BMPR2: variants seen among roughly 807,000 people sequenced by gnomAD.
The protein encoded by BMPR2 is bone morphogenetic protein receptor type 2.
Under a neutral mutation model 100.8 loss-of-function variants are expected in BMPR2, and 29 were observed. The observed-to-expected ratio is 0.29, with a 90% CI of 0.21 to 0.39. BMPR2 has a LOEUF of 0.39. Among genes scored for constraint, BMPR2 ranks in the 10% least tolerant of loss-of-function variants. The pLI, the probability that BMPR2 is intolerant of heterozygous loss-of-function variation, is 1.00. For missense variants in BMPR2, 1,011 were observed against 1,274.5 expected, an observed-to-expected ratio of 0.79 and a Z score of 3.15; for synonymous variants, 382 against 442.3, an observed-to-expected ratio of 0.86 and a Z score of 1.71.
At chr2:202,519,613 A>G (rs1687785255) in intron 6 of BMPR2, among the ~76,000 whole-genome samples, 1 of 152,094 alleles carries the variant, frequency 6.6e-6, no homozygotes, top group African/African-American at 2.4e-5. Flanking sequence ...AAGAAGCAGT[A>G]CTTTGATTGA....
rs919512420 is a variant in BMPR2, at chr2:202,394,488, A to T, written c.76+16938A>T. ...AAATAGCTACTGTTTAACAAAAGTA[A>T]CTTCTCCCTTTATGAGTGCCTGCTA... On this transcript the variant is annotated intron_variant, in intron 1 of 12. Coordinates refer to ENST00000374580, the MANE Select transcript of BMPR2 (RefSeq NM_001204.7). Among the ~76,000 whole-genome samples the T allele has an allele frequency of 8.5e-5, 13 of 152,274 alleles. No homozygotes were observed. In the East Asian group the frequency reaches 2.5e-3, roughly 29 times the overall value.
intron 9 of BMPR2, among the ~76,000 whole-genome samples, chr2:202,539,352 C>G (rs1688228331): frequency 6.6e-6 from 1 of 151,960 alleles, no homozygotes; most frequent in Non-Finnish European, 1.5e-5. Context: ...ACACAGAAAT[C>G]ATGTTACAGA....
intron 1 of BMPR2, among the ~76,000 whole-genome samples, chr2:202,435,051 C>CA (rs1553500489): frequency 1.4e-5 from 2 of 145,016 alleles, no homozygotes; most frequent in Non-Finnish European, 3.0e-5. Context: ...CCCTTCTCTT[C>CA]AAAAAAATTC....
At chr2:202,542,204 T>G in intron 9 of BMPR2, 107 bp from the exon 10 acceptor site, 2 of 1,318,744 alleles carry the variant, frequency 1.5e-6, no homozygotes, top group Admixed American at 1.9e-5. Context: ...ATAAAAAGAT[T>G]GTGACACAAT....
rs1321483922 is a variant in BMPR2, at chr2:202,535,371, G to A, written c.1276+2639G>A. ...GAGGGTCTCCTCACTTCTCAGACGG[G>A]GCGGCCGGGCAGAGACGCTCCTCAC... On this transcript the variant is annotated intron_variant, in intron 9 of 12. Transcript: ENST00000374580. Among the ~76,000 whole-genome samples, 24 of 151,548 alleles carry A rather than the reference G, an allele frequency of 1.6e-4. No homozygotes were observed. In the South Asian group the frequency reaches 3.7e-3, roughly 24 times the overall value.
At chr2:202,454,654 G>A (rs1183382053) in intron 1 of BMPR2, among the ~76,000 whole-genome samples, 1 of 152,124 alleles carries the variant, frequency 6.6e-6, no homozygotes, top group Admixed American at 6.5e-5. Flanking sequence ...GGGATTATCA[G>A]AACAATTTAC....
chr2:202,432,441 T>G (rs1691524598), intron 1 of BMPR2, among the ~76,000 whole-genome samples: 1 of 150,552 alleles, frequency 6.6e-6, no homozygotes, highest in Non-Finnish European at 1.5e-5. Context: ...ATTTTTTGGT[T>G]GTAACATCTA....
At chr2:202,535,749 G>T (rs1169884438) in intron 9 of BMPR2, among the ~76,000 whole-genome samples, 1 of 152,164 alleles carries the variant, frequency 6.6e-6, no homozygotes, top group African/African-American at 2.4e-5. Context: ...GGAGGTGGAG[G>T]TTGTAGCGAG....
chr2:202,457,986 G>A (rs1051970016), intron 1 of BMPR2, among the ~76,000 whole-genome samples: 24 of 151,856 alleles, frequency 1.6e-4, no homozygotes, highest in Non-Finnish European at 2.5e-4. Context: ...CCACTTTGGC[G>A]TCCCAAAGTG....
intron 10 of BMPR2, among the ~76,000 whole-genome samples, chr2:202,550,592 T>C (rs941975616): frequency 1.3e-5 from 2 of 151,714 alleles, no homozygotes; most frequent in African/African-American, 4.8e-5. Flanking sequence ...TGATGGGTCT[T>C]GCCTGTAATC....
At chr2:202,533,854 ATGTT>A (rs1688074035) in intron 9 of BMPR2, among the ~76,000 whole-genome samples, 1 of 152,136 alleles carries the variant, frequency 6.6e-6, no homozygotes, top group Non-Finnish European at 1.5e-5. Context: ...ATTTAAGTGA[ATGTT>A]TGTTTGAGGC....
intron 3 of BMPR2, among the ~76,000 whole-genome samples, chr2:202,502,613 G>T (rs1263523466): frequency 7.2e-5 from 11 of 152,206 alleles, no homozygotes; most frequent in African/African-American, 2.4e-4. Context: ...CAGTTTGCAA[G>T]AAATAACAAA....
intron 3 of BMPR2, among the ~76,000 whole-genome samples, chr2:202,480,061 T>C (rs1224448491): frequency 6.6e-6 from 1 of 152,130 alleles, no homozygotes; most frequent in Non-Finnish European, 1.5e-5. Flanking sequence ...TTGAGGTACA[T>C]AGTTTTGACA....
rs974072413 is a variant in BMPR2 at position 202,563,590 on chromosome 2, C to G, written c.*3644C>G. 2 of 152,140 alleles carry G rather than the reference C, an allele frequency of 1.3e-5. No homozygotes were observed. Among genetic ancestry groups the G allele is most frequent in the Non-Finnish European group, 2.9e-5 (2 of 68,026 alleles). The allele number at this position is 152,140 out of a possible 1,614,324, so 9.4% of individuals were successfully genotyped here. On this transcript the variant is annotated 3_prime_UTR_variant, in exon 13 of 13. Transcript: ENST00000374580. ...GTTGCTTGAGAAATAATTACTAATT[C>G]TAGACAAAACTCAATCCTGTATCTT... is the stretch of plus-strand genomic sequence containing the variant.
At chr2:202,474,202 T>C (rs1350120744) in intron 3 of BMPR2, among the ~76,000 whole-genome samples, 2 of 151,760 alleles carry the variant, frequency 1.3e-5, no homozygotes, top group Non-Finnish European at 2.9e-5. Flanking sequence ...ACATCTATAA[T>C]TCCAGCACTT....
rs544813466 is a variant in BMPR2 at position 202,545,637 on chromosome 2, CATT to C, written c.1413+3193_1413+3195del. Among the ~76,000 whole-genome samples the C allele has an allele frequency of 7.3e-3, 1,116 of 152,280 alleles. 10 individuals carry two copies. Among genetic ancestry groups the C allele is most frequent in the Non-Finnish European group, 0.012 (821 of 68,016 alleles). On this transcript the variant is annotated intron_variant, in intron 10 of 12. Transcript: ENST00000374580. Reference sequence around the variant, plus strand: ...TCATGTCAGAGACAGGGTAGAGACACATTATAGTTTCCATACAGATTTAGAATG... The same window carrying C: ...TCATGTCAGAGACAGGGTAGAGACACATAGTTTCCATACAGATTTAGAATG...
At chr2:202,526,677 A>G (rs1687917139) in intron 7 of BMPR2, among the ~76,000 whole-genome samples, 1 of 152,228 alleles carries the variant, frequency 6.6e-6, no homozygotes, top group Non-Finnish European at 1.5e-5. Context: ...CAAGACTTGC[A>G]TAATTTAGCA....
intron 1 of BMPR2, among the ~76,000 whole-genome samples, chr2:202,399,459 G>T (rs1481075992): frequency 1.6e-4 from 25 of 152,212 alleles, no homozygotes; most frequent in Admixed American, 1.6e-3. Flanking sequence ...CACAACAAGG[G>T]GTTAGACAGG....
At chr2:202,514,504 T>C (rs1246894472) in intron 4 of BMPR2, among the ~76,000 whole-genome samples, 4 of 152,228 alleles carry the variant, frequency 2.6e-5, no homozygotes, top group African/African-American at 9.6e-5. Flanking sequence ...CAGTAATTCC[T>C]CAGTATCATC....
Sources: allele counts gnomAD v4.1 joint callset (sites outside exome capture counted in the v4.1 genomes callset), GRCh38; gene constraint gnomAD v4.1.1; transcripts MANE v1.5; gene names NCBI Gene and HGNC (gene_info 2026-07-23, HGNC 2026-07-21).